Variants in CSMD1 observed in about 807,000 individuals in gnomAD.
The protein encoded by CSMD1 is CUB and Sushi multiple domains 1.
A neutral mutation model predicts 417.5 loss-of-function variants in CSMD1; 213 were observed. The observed-to-expected ratio is 0.51, with a 90% CI of 0.46 to 0.57. CSMD1 has a LOEUF of 0.57. Ranked by LOEUF, CSMD1 falls within the 20% of genes least tolerant of loss-of-function variation. The pLI is 0.00. For missense variants in CSMD1, 6,923 were observed against 4,529.7 expected, an observed-to-expected ratio of 1.53 and a Z score of -15.17; for synonymous variants, 2,862 against 1,736.8, an observed-to-expected ratio of 1.65 and a Z score of -16.11.
intron 3 of CSMD1, among the ~76,000 whole-genome samples, chr8:4,105,408 T>G (rs1430425354): frequency 6.6e-6 from 1 of 152,154 alleles, no homozygotes; most frequent in Non-Finnish European, 1.5e-5. Flanking sequence ...GAAAAGTATT[T>G]TTAGGAAAGA....
chr8:3,359,171 T>A lies in CSMD1; in HGVS notation c.3285A>T (p.Ala1095=). 1.2e-6 allele frequency: 2 copies of A among 1,613,760 alleles called. No individual in the cohort carries two copies. The highest frequency in any genetic ancestry group is 1.7e-6 in the Non-Finnish European group (2 of 1,179,916). The change falls in exon 21 of 70, where the codon GCA becomes GCT. Residue 1095 remains alanine, a synonymous_variant. Coordinates refer to ENST00000635120, the MANE Select transcript of CSMD1 (RefSeq NM_033225.6). The part of the protein sequence containing the change: ...CLGGGRRVWS[A]PLPRCVAECG... Reference sequence around the variant, plus strand: ...ACCTACCCACACACCTTGGCAGAGGTGCACTCCACACACGGCGGCCCCCAC... The same window carrying A: ...ACCTACCCACACACCTTGGCAGAGGAGCACTCCACACACGGCGGCCCCCAC...
intron 10 of CSMD1, among the ~76,000 whole-genome samples, chr8:3,520,444 A>C (rs1319614236): frequency 6.6e-6 from 1 of 152,246 alleles, no homozygotes; most frequent in Non-Finnish European, 1.5e-5. Context: ...AAAATAAAAC[A>C]ATCTTAAAAT....
At chr8:4,945,237 G>C (rs373138943) in intron 1 of CSMD1, among the ~76,000 whole-genome samples, 3 of 152,274 alleles carry the variant, frequency 2.0e-5, no homozygotes. Context: ...GATTGCCAGA[G>C]GCTGTGGAAG....
At chr8:3,910,962 G>T (rs572422549) in intron 5 of CSMD1, among the ~76,000 whole-genome samples, 8 of 152,150 alleles carry the variant, frequency 5.3e-5, no homozygotes, top group Non-Finnish European at 8.8e-5. Context: ...ACGCTTTCTT[G>T]GGCATATTTC....
intron 3 of CSMD1, among the ~76,000 whole-genome samples, chr8:4,033,130 G>GA (rs58668077): frequency 0.55 from 43,998 of 80,664 alleles, 11,729 homozygotes; most frequent in Non-Finnish European, 0.59. Flanking sequence ...TTTCCAATAT[G>GA]AAAAAAAAAA....
chr8:4,415,175 C>G (rs1029388427), intron 3 of CSMD1, among the ~76,000 whole-genome samples: 2 of 152,114 alleles, frequency 1.3e-5, no homozygotes, highest in Admixed American at 1.3e-4. Flanking sequence ...GCTCCAGGCT[C>G]TCTGAGCTCC....
intron 1 of CSMD1, among the ~76,000 whole-genome samples, chr8:4,924,671 G>T (rs1195244308): frequency 8.4e-6 from 1 of 119,446 alleles, no homozygotes; most frequent in African/African-American, 3.2e-5. Context: ...GCAGTGAGCC[G>T]AGATCGCACC....
At chr8:4,547,915 G>A (rs559444091) in intron 2 of CSMD1, among the ~76,000 whole-genome samples, 2 of 152,222 alleles carry the variant, frequency 1.3e-5, no homozygotes, top group African/African-American at 4.8e-5. Context: ...CAAAATAAAG[G>A]CCGAGAAAAC....
At chr8:3,634,270 G>A (rs1007408881) in intron 7 of CSMD1, among the ~76,000 whole-genome samples, 1 of 152,214 alleles carries the variant, frequency 6.6e-6, no homozygotes, top group Non-Finnish European at 1.5e-5. Context: ...CCAGCCACAT[G>A]GTATTGGAGC....
At chr8:3,009,280 C>A (rs1490606125) in intron 52 of CSMD1, among the ~76,000 whole-genome samples, 2 of 152,172 alleles carry the variant, frequency 1.3e-5, no homozygotes, top group African/African-American at 4.8e-5. Context: ...GAACGGAATC[C>A]ATTTTTAGAA....
chr8:3,778,889 AAGT>A (rs1187661934), intron 5 of CSMD1, among the ~76,000 whole-genome samples: 6 of 152,174 alleles, frequency 3.9e-5, no homozygotes, highest in African/African-American at 1.4e-4. Flanking sequence ...TTTGGACAAA[AAGT>A]AGGACAGGAG....
intron 8 of CSMD1, among the ~76,000 whole-genome samples, chr8:3,615,796 A>G (rs1802108826): frequency 6.6e-6 from 1 of 152,128 alleles, no homozygotes; most frequent in Admixed American, 6.5e-5. Context: ...GTAAGAAGGA[A>G]AAACACATAT....
At chr8:3,921,167 CTGTT>C (rs1281961296) in intron 5 of CSMD1, among the ~76,000 whole-genome samples, 1 of 152,070 alleles carries the variant, frequency 6.6e-6, no homozygotes, top group Non-Finnish European at 1.5e-5. Context: ...TTGAGATTTT[CTGTT>C]TATTTACGAT....
intron 2 of CSMD1, among the ~76,000 whole-genome samples, chr8:4,451,172 A>G (rs1246250075): frequency 5.3e-5 from 8 of 152,056 alleles, no homozygotes; most frequent in African/African-American, 1.7e-4. Context: ...TATCAAAATA[A>G]TATAAAAATA....
chr8:3,255,118 G>C lies in CSMD1; in HGVS notation c.4154-24887C>G, dbSNP rs188836793. 2.6e-5 allele frequency among the ~76,000 whole-genome samples: 4 copies of C among 152,290 alleles called. No individual in the cohort carries two copies. The East Asian group carries it at 7.7e-4, about 29-fold the overall frequency. ...AGGACCCTCAGCTGCCGGTCTCTTGGAGTTTGCGGAGGTCCACTCCAGAAC... is the reference window on the plus strand; with the variant it reads ...AGGACCCTCAGCTGCCGGTCTCTTGCAGTTTGCGGAGGTCCACTCCAGAAC... On this transcript the variant is annotated intron_variant, in intron 26 of 69. Coordinates refer to ENST00000635120, the MANE Select transcript of CSMD1 (RefSeq NM_033225.6).
rs1366663265 is a variant in CSMD1, at chr8:3,629,633, G to C, written c.1010-12836C>G. 2.0e-5 allele frequency among the ~76,000 whole-genome samples: 3 copies of C among 152,052 alleles called. No homozygotes were observed. In the East Asian group the frequency reaches 5.8e-4, roughly 29 times the overall value. On this transcript the variant is annotated intron_variant, in intron 7 of 69. Transcript: ENST00000635120. ...TCAATCTCTATGATTCCTATACTCAGGATTATTTTATCAAGGAATGTTATA... is the reference window on the plus strand; with the variant it reads ...TCAATCTCTATGATTCCTATACTCACGATTATTTTATCAAGGAATGTTATA...
chr8:3,790,242 G>A (rs1455730962), intron 5 of CSMD1, among the ~76,000 whole-genome samples: 1 of 152,188 alleles, frequency 6.6e-6, no homozygotes, highest in African/African-American at 2.4e-5. Flanking sequence ...TCAGGGAAGA[G>A]TGCATTATCA....
chr8:3,396,750 T>TA (rs916539275), intron 16 of CSMD1, among the ~76,000 whole-genome samples: 6 of 152,140 alleles, frequency 3.9e-5, no homozygotes, highest in Admixed American at 2.0e-4. Context: ...CAATTATATA[T>TA]TTTTAAACTA....
intron 23 of CSMD1, among the ~76,000 whole-genome samples, chr8:3,341,979 C>G (rs1332804744): frequency 8.5e-5 from 13 of 152,092 alleles, no homozygotes; most frequent in Non-Finnish European, 4.4e-5. Context: ...TACAAGAGCT[C>G]TTTGAGACAT....
Sources: gnomAD v4.1 joint callset for allele counts (sites outside exome capture counted in the v4.1 genomes callset) on GRCh38, gnomAD v4.1.1 for gene constraint, MANE v1.5 for transcripts, NCBI Gene and HGNC (gene_info 2026-07-23, HGNC 2026-07-21) for gene names.